The following TASP1 variants were observed in gnomAD, a reference collection of about 807,000 sequenced individuals.
TASP1 encodes taspase 1.
Under a neutral mutation model 56.6 loss-of-function variants are expected in TASP1, and 16 were observed. That is an observed-to-expected ratio of 0.28 (90% CI 0.19 to 0.43). The LOEUF is 0.43. Among genes scored for constraint, TASP1 ranks in the 20% least tolerant of loss-of-function variants. TASP1 has a pLI of 1.00. For synonymous variants in TASP1, 179 were observed against 184.2 expected, an observed-to-expected ratio of 0.97 and a Z score of 0.23; for missense variants, 393 against 511.6, an observed-to-expected ratio of 0.77 and a Z score of 2.24.
chr20:13,158,429 G>A, the TASP1 span, among the ~76,000 whole-genome samples: 5 of 152,144 alleles, frequency 3.3e-5, no homozygotes, highest in African/African-American at 1.2e-4. Context: ...TTGGCAAAAC[G>A]TGCTTCCTTT....
chr20:13,345,916 TAAAAAA>T, the TASP1 span, among the ~76,000 whole-genome samples: 4 of 101,332 alleles, frequency 3.9e-5, no homozygotes, highest in East Asian at 3.1e-4. Flanking sequence ...CTCAGTAGGT[TAAAAAA>T]AAAAAAAAAA....
At chr20:13,581,882 G>T (rs961190833) in intron 5 of TASP1, among the ~76,000 whole-genome samples, 1 of 152,142 alleles carries the variant, frequency 6.6e-6, no homozygotes, top group Non-Finnish European at 1.5e-5. Flanking sequence ...TATACAGAGG[G>T]TTAAGTTGCC....
chr20:13,221,766 G>T, the TASP1 span: 3 of 1,431,598 alleles, frequency 2.1e-6, no homozygotes, highest in African/African-American at 4.5e-5. Context: ...AAAGCCGCGC[G>T]TCTCAAAAGG....
chr20:13,391,230 A>C (rs2041262323), intron 13 of TASP1, among the ~76,000 whole-genome samples: 1 of 152,212 alleles, frequency 6.6e-6, no homozygotes, highest in Admixed American at 6.5e-5. Flanking sequence ...GACTGAGTGA[A>C]GACATCAGCT....
chr20:13,203,893 C>G, the TASP1 span, among the ~76,000 whole-genome samples: 1 of 152,118 alleles, frequency 6.6e-6, no homozygotes, highest in Non-Finnish European at 1.5e-5. Flanking sequence ...ATAAACTCAC[C>G]CTTTAAAATA....
At chr20:13,398,591 C>T (rs1027744261) in intron 13 of TASP1, among the ~76,000 whole-genome samples, 2 of 152,186 alleles carry the variant, frequency 1.3e-5, no homozygotes, top group African/African-American at 2.4e-5. Context: ...GGAACTACTA[C>T]AAAAAATATG....
chr20:13,292,253 C>G, the TASP1 span: 2 of 643,508 alleles, frequency 3.1e-6, no homozygotes, highest in Non-Finnish European at 5.5e-6. Context: ...AGTTTCTGCC[C>G]GTGAGTAGTA....
chr20:13,340,020 T>A, the TASP1 span, among the ~76,000 whole-genome samples: 8 of 151,902 alleles, frequency 5.3e-5, no homozygotes, highest in Admixed American at 2.0e-4. Flanking sequence ...AATACTCCAA[T>A]TTTTTCACCT....
At chr20:13,577,069 T>C (rs536700393) in intron 6 of TASP1, among the ~76,000 whole-genome samples, 1 of 152,200 alleles carries the variant, frequency 6.6e-6, no homozygotes, top group Non-Finnish European at 1.5e-5. Context: ...AAAGAATACG[T>C]GGCAATGAGA....
At chr20:13,377,228 T>A in the TASP1 span, among the ~76,000 whole-genome samples, 1 of 152,236 alleles carries the variant, frequency 6.6e-6, no homozygotes, top group Non-Finnish European at 1.5e-5. Flanking sequence ...ATAGCTCTTA[T>A]TATTTTGAGA....
At chr20:13,241,015 A>C in the TASP1 span, among the ~76,000 whole-genome samples, 1 of 152,200 alleles carries the variant, frequency 6.6e-6, no homozygotes, top group Non-Finnish European at 1.5e-5. Flanking sequence ...TGAAAGTGGT[A>C]AAAGGAGAAC....
chr20:13,246,418 C>T, the TASP1 span, among the ~76,000 whole-genome samples: 2 of 152,158 alleles, frequency 1.3e-5, no homozygotes, highest in African/African-American at 2.4e-5. Flanking sequence ...CCCTACTGCC[C>T]ACTCTGCCTG....
the TASP1 span, among the ~76,000 whole-genome samples, chr20:13,252,634 A>C: frequency 1.3e-5 from 2 of 152,060 alleles, no homozygotes; most frequent in African/African-American, 2.4e-5. Flanking sequence ...GTGCACCTGT[A>C]GTCCCAGATA....
chr20:13,177,975 A>T, the TASP1 span, among the ~76,000 whole-genome samples: 1 of 152,154 alleles, frequency 6.6e-6, no homozygotes, highest in African/African-American at 2.4e-5. Flanking sequence ...CAACCTATAG[A>T]ATGGGAGAAT....
the TASP1 span, among the ~76,000 whole-genome samples, chr20:13,370,452 T>C: frequency 1.3e-5 from 2 of 152,158 alleles, no homozygotes; most frequent in African/African-American, 2.4e-5. Context: ...AAAAAGCTTA[T>C]ACCTTTCTAT....
the TASP1 span, among the ~76,000 whole-genome samples, chr20:13,196,552 C>G: frequency 6.6e-6 from 1 of 151,992 alleles, no homozygotes; most frequent in Non-Finnish European, 1.5e-5. Context: ...TAGCCGCCAG[C>G]CACATAAGGA....
chr20:13,160,549 A>C, the TASP1 span, among the ~76,000 whole-genome samples: 3 of 152,244 alleles, frequency 2.0e-5, no homozygotes, highest in African/African-American at 7.2e-5. Flanking sequence ...CAACAAGAAC[A>C]AATCTACATT....
At chr20:13,267,319 G>C in the TASP1 span, among the ~76,000 whole-genome samples, 2 of 152,282 alleles carry the variant, frequency 1.3e-5, no homozygotes, top group East Asian at 3.9e-4. Flanking sequence ...GGGGCAGGGC[G>C]GTTCGGAGAG....
the TASP1 span, among the ~76,000 whole-genome samples, chr20:13,344,863 C>A: frequency 6.6e-6 from 1 of 152,168 alleles, no homozygotes. Flanking sequence ...CCACAGCAGG[C>A]CCAGAAATTG....
Sources: allele counts gnomAD v4.1 joint callset (sites outside exome capture counted in the v4.1 genomes callset), GRCh38; gene constraint gnomAD v4.1.1; transcripts MANE v1.5; gene names NCBI Gene and HGNC (gene_info 2026-07-23, HGNC 2026-07-21).